Variants in CYLD observed in about 807,000 individuals in gnomAD.
The protein encoded by CYLD is ubiquitin carboxyl-terminal hydrolase CYLD.
Under a neutral mutation model 104.5 loss-of-function variants are expected in CYLD, and 26 were observed. The observed-to-expected ratio is 0.25, with a 90% CI of 0.18 to 0.35. The LOEUF (loss-of-function observed/expected upper bound fraction) is 0.35, where lower values mean the gene tolerates loss of function less well. Among genes scored for constraint, CYLD ranks in the 10% least tolerant of loss-of-function variants. The pLI is 1.00. For synonymous variants in CYLD, 385 were observed against 399.9 expected (o/e 0.96, Z 0.45); for missense variants, 703 against 1,136.1 (o/e 0.62, Z 5.48).
At position 50,750,207 on chromosome 16, in the gene CYLD, G is replaced by A. The variant is rs1567421208; in HGVS notation, c.504+5G>A. On this transcript the variant is annotated splice_donor_5th_base_variant and intron_variant, in intron 3 of 18. Coordinates refer to ENST00000427738, the MANE Select transcript of CYLD (RefSeq NM_001378743.1). ...TTCTTTGGAGTTGAATTGCTGGTAA[G>A]TTTGATAAACCATTTTAGTAGTGTG... The A allele has an allele frequency of 6.2e-7, 1 of 1,613,632 alleles. No homozygotes were observed. Among genetic ancestry groups the A allele is most frequent in the South Asian group, 1.1e-5 (1 of 91,010 alleles).
chr16:50,778,047 T>G, intron 8 of CYLD, 106 bp downstream of exon 8: 1 of 700,732 alleles, frequency 1.4e-6, no homozygotes, highest in Admixed American at 2.2e-5. Flanking sequence ...ACAGAATAAG[T>G]AGACCGCTCT....
chr16:50,758,649 T>G (rs2150933130), intron 5 of CYLD, among the ~76,000 whole-genome samples: 1 of 152,108 alleles, frequency 6.6e-6, no homozygotes, highest in African/African-American at 2.4e-5. Flanking sequence ...AATGTAAAGA[T>G]CCCATCAAGA....
intron 12 of CYLD, chr16:50,785,581 G>A (rs554686393): frequency 3.9e-5 from 6 of 152,246 alleles, no homozygotes; most frequent in African/African-American, 1.4e-4. Context: ...GGTCAAACCC[G>A]AAACTCTAAG....
Position 50,799,833 on chromosome 16 carries a change from G to T in CYLD, c.*3325G>T. On this transcript the variant is annotated 3_prime_UTR_variant, in exon 19 of 19. Transcript: ENST00000427738. ...CTTGGATGATTGTAGACTGAGATGTGAGTGGAGGATAAAGTATTAGACTTT... is the reference window on the plus strand; with the variant it reads ...CTTGGATGATTGTAGACTGAGATGTTAGTGGAGGATAAAGTATTAGACTTT... 4.3e-6 allele frequency: 1 copy of T among 233,192 alleles called. No individual in the cohort carries two copies. The highest frequency in any genetic ancestry group is 6.0e-5 in the East Asian group (1 of 16,662). 14.4% of individuals were successfully genotyped at this position (233,192 alleles called of 1,614,324 possible).
chr16:50,766,158 T>G (rs1357635286), intron 5 of CYLD, among the ~76,000 whole-genome samples: 2 of 152,228 alleles, frequency 1.3e-5, no homozygotes, highest in South Asian at 4.1e-4. Flanking sequence ...AAGGATAGGC[T>G]GACTCTTTTG....
chr16:50,784,920 GTATTTTAGTACCA>G (rs1970652018), intron 12 of CYLD: 1 of 162,562 alleles, frequency 6.2e-6, no homozygotes, highest in South Asian at 1.7e-4. Flanking sequence ...CAGATGAGAT[GTATTTTAGTACCA>G]TATTTTTTGG....
rs2150912484 is a variant in CYLD, at chr16:50,754,421, C to A, written c.910C>A (p.Pro304Thr). The change falls in exon 5 of 19, where the codon CCA (proline) becomes ACA (threonine). Residue 304 changes from proline to threonine, a missense_variant. By Grantham distance (38) the Pro-to-Thr change is conservative. Coordinates refer to ENST00000427738, the MANE Select transcript of CYLD (RefSeq NM_001378743.1). Reference sequence around the variant, plus strand: ...TCTATTGCACATCAATGATATCATCCCAGGTATGTTTTCTTTGTTTTATAC... The same window carrying A: ...TCTATTGCACATCAATGATATCATCACAGGTATGTTTTCTTTGTTTTATAC... ...TILLHINDII[P>T]ALSESVTQER... 6.3e-7 allele frequency: 1 copy of A among 1,596,762 alleles called. No individual in the cohort carries two copies. Among genetic ancestry groups the A allele is most frequent in the East Asian group, 2.2e-5 (1 of 44,660 alleles).
At chr16:50,757,264 G>A (rs933496613) in intron 5 of CYLD, among the ~76,000 whole-genome samples, 15 of 151,968 alleles carry the variant, frequency 9.9e-5, no homozygotes, top group African/African-American at 4.8e-5. Flanking sequence ...TCAAGTTAGG[G>A]CATGCTTTCT....
In CYLD at chr16:50,742,856, T is replaced by A; in HGVS notation, c.-124+15T>A. ...TGCTGTGACAGGTATTCTTTCTTTA[T>A]GTTTTTCTTTCATGTTAACAATCGA... is the stretch of plus-strand genomic sequence containing the variant. On this transcript the variant is annotated intron_variant, in intron 2 of 18. Transcript: ENST00000427738. 2.7e-6 allele frequency: 1 copy of A among 373,994 alleles called. No individual in the cohort carries two copies. Among genetic ancestry groups the A allele is most frequent in the Non-Finnish European group, 4.7e-6 (1 of 212,360 alleles). 23.2% of individuals were successfully genotyped at this position (373,994 alleles called of 1,614,324 possible). A position where few individuals can be genotyped will look rare whatever the true frequency, so the allele number is the denominator to read the frequency against.
chr16:50,763,614 TACAA>T (rs1968189070), intron 5 of CYLD, among the ~76,000 whole-genome samples: 1 of 152,222 alleles, frequency 6.6e-6, no homozygotes, highest in South Asian at 2.1e-4. Flanking sequence ...TGATTTTTCT[TACAA>T]ACAGACTTAC....
intron 5 of CYLD, among the ~76,000 whole-genome samples, chr16:50,760,027 C>CAT (rs762127684): frequency 3.9e-5 from 6 of 152,164 alleles, no homozygotes; most frequent in Non-Finnish European, 5.9e-5. Flanking sequence ...CATCCTTATG[C>CAT]ATATCATCTA....
At chr16:50,752,413 A>G (rs1209268516) in intron 4 of CYLD, among the ~76,000 whole-genome samples, 2 of 152,160 alleles carry the variant, frequency 1.3e-5, no homozygotes, top group Non-Finnish European at 2.9e-5. Flanking sequence ...ATAATCATTT[A>G]TAGAAAATAC....
intron 5 of CYLD, among the ~76,000 whole-genome samples, chr16:50,768,825 C>T (rs187321965): frequency 3.6e-4 from 55 of 152,184 alleles, no homozygotes; most frequent in African/African-American, 1.3e-3. Flanking sequence ...TGAACATATC[C>T]ATCACCCCAA....
In CYLD at chr16:50,786,910, G is replaced by T; in HGVS notation, c.2005G>T (p.Val669Leu). Reference protein sequence around the residue: ...IMKLRKILEKVEAASGFTSEE... With the variant: ...IMKLRKILEKLEAASGFTSEE... ...GAAACTGAGGAAAATACTTGAAAAG[G>T]TGGAGGCTGCATCAGGATTTACCTC... is the stretch of plus-strand genomic sequence containing the variant. Residue 669 changes from valine to leucine, a missense_variant, in exon 13 of 19, where the codon GTG becomes TTG. Transcript: ENST00000427738. 1 of 1,614,040 alleles carries T rather than the reference G, an allele frequency of 6.2e-7. No individual in the cohort carries two copies. Among genetic ancestry groups the T allele is most frequent in the Non-Finnish European group, 8.5e-7 (1 of 1,179,944 alleles).
At position 50,754,333 on chromosome 16, in the gene CYLD, C is replaced by T. The variant is rs2150912211; in HGVS notation, c.822C>T (p.Gly274=). The change falls in exon 5 of 19, where the codon GGC becomes GGT. Residue 274 remains glycine, a synonymous_variant. Transcript: ENST00000427738. ...TTAATTTCTAGGATAACCCTATTGGCAACTGGGATGGAAGATTTGATGGAG... is the reference window on the plus strand; with the variant it reads ...TTAATTTCTAGGATAACCCTATTGGTAACTGGGATGGAAGATTTGATGGAG... The part of the protein sequence containing the change: ...FVGVDMDNPI[G]NWDGRFDGVQ... 1 of 1,610,908 alleles carries T rather than the reference C, an allele frequency of 6.2e-7. No individual in the cohort carries two copies. Among genetic ancestry groups the T allele is most frequent in the Non-Finnish European group, 8.5e-7 (1 of 1,177,344 alleles).
rs769429894 is a variant in CYLD at position 50,777,816 on chromosome 16, T to G, written c.1022-9T>G. On this transcript the variant is annotated splice_polypyrimidine_tract_variant and intron_variant, in intron 7 of 18. Coordinates refer to ENST00000427738, the MANE Select transcript of CYLD (RefSeq NM_001378743.1). ...TTATTTTTAAATGAAACTTTTCTTG[T>G]TCCTATAGGATCTACCTCAGACCCT... The G allele has an allele frequency of 6.9e-7, 1 of 1,444,710 alleles. No individual in the cohort carries two copies. The highest frequency in any genetic ancestry group is 1.4e-5 in the African/African-American group (1 of 71,712). 89.5% of individuals were successfully genotyped at this position (1,444,710 alleles called of 1,614,324 possible).
chr16:50,750,338 A>G, intron 3 of CYLD, 136 bp downstream of exon 3: 1 of 1,042,264 alleles, frequency 9.6e-7, no homozygotes, highest in Admixed American at 1.8e-5. Context: ...TTTAATATTC[A>G]TCATCCTTGC....
Position 50,776,272 on chromosome 16 carries a change from C to T in CYLD, c.1016C>T (p.Ala339Val). 4 of 1,607,666 alleles carry T rather than the reference C, an allele frequency of 2.5e-6. No individual in the cohort carries two copies. Among genetic ancestry groups the T allele is most frequent in the Non-Finnish European group, 3.4e-6 (4 of 1,174,296 alleles). The change falls in exon 7 of 19, where the codon GCT becomes GTT. Residue 339 changes from alanine (A) to valine (V), a missense_variant. This residue lies in a region of CYLD where 183 missense variants were observed against 212.1 expected (regional missense o/e 0.86). Transcript: ENST00000427738. Reference sequence around the variant, plus strand: ...TCATCCAGTCATAATAAACCAAAGGCTACAGGTATGGATTAATAGCATATA... The same window carrying T: ...TCATCCAGTCATAATAAACCAAAGGTTACAGGTATGGATTAATAGCATATA... ...KGSSSHNKPKATGSTSDPGNR... is the reference protein window; with the variant it reads ...KGSSSHNKPKVTGSTSDPGNR...
intron 5 of CYLD, among the ~76,000 whole-genome samples, chr16:50,765,902 C>G (rs1449804572): frequency 6.6e-6 from 1 of 152,170 alleles, no homozygotes; most frequent in Non-Finnish European, 1.5e-5. Context: ...GAAGCTCGCA[C>G]AGGTTGGTTC....
Sources: allele counts gnomAD v4.1 joint callset (sites outside exome capture counted in the v4.1 genomes callset), GRCh38; gene constraint gnomAD v4.1.1; regional missense constraint gnomAD v4.1.1; transcripts MANE v1.5; gene names NCBI Gene and HGNC (gene_info 2026-07-23, HGNC 2026-07-21).